MYO3A: variants seen among roughly 807,000 people sequenced by gnomAD.
MYO3A encodes myosin IIIA.
In MYO3A, 180 loss-of-function variants were observed where a neutral mutation model predicts 192.7. The observed-to-expected ratio is 0.93, with a 90% confidence interval of 0.83 to 1.06. MYO3A has a LOEUF of 1.06. MYO3A is among the 50% of genes least tolerant of loss of function. The pLI is 0.00. For synonymous variants in MYO3A, 628 were observed against 645.3 expected, an observed-to-expected ratio of 0.97 and a Z score of 0.41; for missense variants, 1,896 against 1,905.0, an observed-to-expected ratio of 1.00 and a Z score of 0.09.
chr10:26,151,302 G>T (rs1287069991), intron 23 of MYO3A, among the ~76,000 whole-genome samples: 1 of 151,644 alleles, frequency 6.6e-6, no homozygotes, highest in Admixed American at 6.6e-5. Context: ...CTGTCAATTT[G>T]TCTCTCTTTT....
chr10:26,141,397 G>A (rs186256394), intron 20 of MYO3A, among the ~76,000 whole-genome samples: 62 of 152,184 alleles, frequency 4.1e-4, no homozygotes, highest in Non-Finnish European at 7.8e-4. Context: ...TAAATTCTGA[G>A]TAATAGCGTT....
intron 15 of MYO3A, among the ~76,000 whole-genome samples, chr10:26,092,814 C>T (rs1354651757): frequency 6.6e-6 from 1 of 152,186 alleles, no homozygotes; most frequent in African/African-American, 2.4e-5. Context: ...GACCTGGGAA[C>T]CCCTGAAAAC....
chr10:25,947,082 A>G (rs1836890833), intron 2 of MYO3A, among the ~76,000 whole-genome samples: 1 of 151,670 alleles, frequency 6.6e-6, no homozygotes, highest in African/African-American at 2.4e-5. Flanking sequence ...CGTTCTATAT[A>G]TCCCTTAGGC....
At chr10:26,185,211 A>G (rs1842803791) in intron 31 of MYO3A, among the ~76,000 whole-genome samples, 1 of 151,972 alleles carries the variant, frequency 6.6e-6, no homozygotes, top group Non-Finnish European at 1.5e-5. Flanking sequence ...ACTAAAGCAG[A>G]TTAGATTTTC....
chr10:26,054,584 T>C (rs533912655), intron 10 of MYO3A, among the ~76,000 whole-genome samples: 129 of 152,278 alleles, frequency 8.5e-4, no homozygotes, highest in Admixed American at 2.0e-3. Flanking sequence ...AAAGGAACCA[T>C]GCAGTTGTGA....
intron 6 of MYO3A, among the ~76,000 whole-genome samples, chr10:26,014,501 T>A (rs1841868910): frequency 6.6e-6 from 1 of 152,112 alleles, no homozygotes; most frequent in Non-Finnish European, 1.5e-5. Context: ...AAAATATTAA[T>A]CTGATTTCAA....
chr10:26,053,295 G>A lies in MYO3A; in HGVS notation c.954-13680G>A, dbSNP rs532127356. On this transcript the variant is annotated intron_variant, in intron 10 of 34. Coordinates refer to ENST00000642920, the MANE Select transcript of MYO3A (RefSeq NM_017433.5). ...AACCAGAGTGTAAAAATAAAAATAC[G>A]TTTTCTTTGGTTTCACAGTAGATGA... Among the ~76,000 whole-genome samples the A allele has an allele frequency of 5.3e-5, 8 of 152,090 alleles. No individual in the cohort carries two copies. The East Asian group carries it at 9.7e-4, about 18-fold the overall frequency.
At chr10:25,956,399 C>T (rs1837539609) in intron 4 of MYO3A, among the ~76,000 whole-genome samples, 1 of 150,580 alleles carries the variant, frequency 6.6e-6, no homozygotes, top group African/African-American at 2.4e-5. Context: ...GGCACAATCT[C>T]AGCTCACTGC....
intron 6 of MYO3A, among the ~76,000 whole-genome samples, chr10:26,007,027 T>C (rs1420660658): frequency 1.4e-5 from 2 of 146,732 alleles, no homozygotes; most frequent in African/African-American, 2.7e-5. Context: ...AAAAAGCTTA[T>C]CCACCATGAT....
intron 19 of MYO3A, among the ~76,000 whole-genome samples, 168 bp downstream of exon 19, chr10:26,125,776 C>G (rs1839184697): frequency 6.6e-6 from 1 of 152,030 alleles, no homozygotes; most frequent in African/African-American, 2.4e-5. Context: ...ATAGTTCCAC[C>G]TCATAATGCC....
intron 20 of MYO3A, among the ~76,000 whole-genome samples, chr10:26,141,919 T>G (rs1253663617): frequency 2.0e-5 from 3 of 152,328 alleles, no homozygotes; most frequent in Non-Finnish European, 4.4e-5. Flanking sequence ...GCCCCTACCA[T>G]AGTGACTAAA....
chr10:26,117,305 G>A (rs913547823), intron 17 of MYO3A, among the ~76,000 whole-genome samples: 2 of 152,000 alleles, frequency 1.3e-5, no homozygotes, highest in African/African-American at 4.8e-5. Context: ...TCCTTATCGA[G>A]GGTAAAAAAA....
intron 27 of MYO3A, among the ~76,000 whole-genome samples, chr10:26,166,627 T>G (rs1041560989): frequency 4.6e-5 from 7 of 152,232 alleles, no homozygotes; most frequent in Non-Finnish European, 7.3e-5. Context: ...CCATAATGAT[T>G]GTACTTTACT....
At chr10:26,200,769 G>A (rs1310089213) in intron 32 of MYO3A, 1 of 152,190 alleles carries the variant, frequency 6.6e-6, no homozygotes, top group Non-Finnish European at 1.5e-5. Flanking sequence ...TGTCATAAAT[G>A]GGCTCCTATA....
chr10:26,004,935 T>C (rs767240052), intron 6 of MYO3A, among the ~76,000 whole-genome samples: 3 of 152,200 alleles, frequency 2.0e-5, no homozygotes, highest in Non-Finnish European at 4.4e-5. Flanking sequence ...ATTTTAAAAT[T>C]CATCATTTGG....
intron 31 of MYO3A, among the ~76,000 whole-genome samples, chr10:26,187,585 C>T: frequency 6.6e-6 from 1 of 151,576 alleles, no homozygotes; most frequent in Non-Finnish European, 1.5e-5. Context: ...TGGTGTGCTG[C>T]ACCCATTAAC....
At chr10:26,076,343 T>G (rs923621065) in intron 14 of MYO3A, among the ~76,000 whole-genome samples, 13 of 152,132 alleles carry the variant, frequency 8.5e-5, no homozygotes, top group Admixed American at 2.0e-4. Flanking sequence ...TTTGATGAGA[T>G]TGTTTGTTTT....
In MYO3A at chr10:26,176,791, G is replaced by A; in HGVS notation, c.4384G>A (p.Val1462Ile). The change falls in exon 31 of 35, where the codon GTC becomes ATC. Residue 1462 changes from valine (V) to isoleucine (I), a missense_variant. By Grantham distance (29) the Val-to-Ile change is conservative (BLOSUM62 3). Transcript: ENST00000642920. Reference protein sequence around the residue: ...SQQLKSLYLGVSHHKPINRRV... With the variant: ...SQQLKSLYLGISHHKPINRRV... ...GCAACTGAAGTCACTTTATCTGGGT[G>A]TCTCGCACCATAAGCCAATTAATAG... is the stretch of plus-strand genomic sequence containing the variant. 6.2e-7 allele frequency: 1 copy of A among 1,614,088 alleles called. No individual in the cohort carries two copies. The highest frequency in any genetic ancestry group is 8.5e-7 in the Non-Finnish European group (1 of 1,179,948).
intron 10 of MYO3A, among the ~76,000 whole-genome samples, chr10:26,033,342 G>T (rs1327381502): frequency 6.6e-6 from 1 of 152,154 alleles, no homozygotes; most frequent in East Asian, 1.9e-4. Flanking sequence ...GCCTCCCAAA[G>T]TGCTGGGATT....
Sources: gnomAD v4.1 joint callset for allele counts (sites outside exome capture counted in the v4.1 genomes callset) on GRCh38, gnomAD v4.1.1 for gene constraint, MANE v1.5 for transcripts, NCBI Gene and HGNC (gene_info 2026-07-23, HGNC 2026-07-21) for gene names.